Variants in LYPD4 observed in about 807,000 individuals in gnomAD.
LYPD4 encodes the protein LY6/PLAUR domain containing 4, also known as ly6/PLAUR domain-containing protein 4.
LYPD4 carries 20 observed loss-of-function variants against 18.2 expected under a neutral mutation model. The observed-to-expected ratio is 1.10, with a 90% confidence interval of 0.77 to 1.59. The LOEUF (loss-of-function observed/expected upper bound fraction) is 1.59. Among genes scored for constraint, LYPD4 ranks in the 40% most tolerant of loss-of-function variants. LYPD4 has a pLI of 0.00. For synonymous variants in LYPD4, 111 were observed against 118.3 expected (o/e 0.94, Z 0.40); for missense variants, 278 against 300.3 (o/e 0.93, Z 0.55).
At position 41,839,313 on chromosome 19, in the gene LYPD4, G is replaced by A; in HGVS notation, c.-28C>T. 6.2e-7 allele frequency: 1 copy of A among 1,607,090 alleles called. No individual in the cohort carries two copies. Among genetic ancestry groups the A allele is most frequent in the Non-Finnish European group, 8.5e-7 (1 of 1,173,544 alleles). ...CCCTGTGTCTGGGTCCTGGGTGCTA[G>A]AGGTCAGTCTGGAATCAGTTTCAGT... On this transcript the variant is annotated 5_prime_UTR_variant, in exon 2 of 5. Coordinates refer to ENST00000609812, the MANE Select transcript of LYPD4 (RefSeq NM_173506.7).
At chr19:41,840,952 A>AAT (rs1280444249) in intron 1 of LYPD4, among the ~76,000 whole-genome samples, 12 of 152,352 alleles carry the variant, frequency 7.9e-5, no homozygotes, top group Middle Eastern at 6.8e-3. Context: ...TTAAAAAATA[A>AAT]ATATATTCAT....
In LYPD4 at chr19:41,839,372, A is replaced by G; in HGVS notation, c.-87T>C. ...CAAGCTCAGTTCCCATCAGTCCCCG[A>G]ATTCTTTGTCCACCTGTCTCTGGGT... On this transcript the variant is annotated 5_prime_UTR_variant, in exon 2 of 5. Transcript: ENST00000609812. 1.6e-6 allele frequency: 2 copies of G among 1,282,490 alleles called. No homozygotes were observed. Among genetic ancestry groups the G allele is most frequent in the Non-Finnish European group, 2.3e-6 (2 of 882,596 alleles). The allele number at this position is 1,282,490 out of a possible 1,614,324, so 79.4% of individuals were successfully genotyped here. A position where few individuals can be genotyped will look rare whatever the true frequency, so the allele number is the denominator to read the frequency against.
chr19:41,837,389 A>T, intron 4 of LYPD4, 44 bp from the exon 5 acceptor site: 1 of 1,608,098 alleles, frequency 6.2e-7, no homozygotes, highest in Non-Finnish European at 8.5e-7. Flanking sequence ...TTCAAGACTC[A>T]AGAGCCCTGC....
chr19:41,844,269 G>C lies in LYPD4; in HGVS notation c.-812C>G, dbSNP rs924416476. 2 of 152,312 alleles carry C rather than the reference G, an allele frequency of 1.3e-5. No homozygotes were observed. The highest frequency in any genetic ancestry group is 2.9e-5 in the Non-Finnish European group (2 of 68,126). The allele number at this position is 152,312 out of a possible 1,614,324, so 9.4% of individuals were successfully genotyped here. ...ACTCTTGAGGAAGATGAACGCGGAG[G>C]GTGGAGCCAGCCAGAAATTCAGAAA... On this transcript the variant is annotated 5_prime_UTR_variant, in exon 1 of 5. Transcript: ENST00000609812.
Position 41,843,625 on chromosome 19 carries a change from G to A in LYPD4, c.-168C>T, listed in dbSNP as rs1444582620. Reference sequence around the variant, plus strand: ...GCTCCCCTGCCCAGCAGTCCAGCTAGAGGTCACGTCGGCCACCCTTTTCTG... The same window carrying A: ...GCTCCCCTGCCCAGCAGTCCAGCTAAAGGTCACGTCGGCCACCCTTTTCTG... On this transcript the variant is annotated 5_prime_UTR_variant, in exon 1 of 5. Transcript: ENST00000609812. 6.6e-6 allele frequency: 1 copy of A among 151,720 alleles called. No homozygotes were observed. The highest frequency in any genetic ancestry group is 1.5e-5 in the Non-Finnish European group (1 of 68,034). 9.4% of individuals were successfully genotyped at this position (151,720 alleles called of 1,614,324 possible). A position where few individuals can be genotyped will look rare whatever the true frequency, so the allele number is the denominator to read the frequency against.
Position 41,844,237 on chromosome 19 carries a change from G to A in LYPD4, c.-780C>T, listed in dbSNP as rs914488614. The A allele has an allele frequency of 6.6e-6, 1 of 152,268 alleles. No homozygotes were observed. Among genetic ancestry groups the A allele is most frequent in the Non-Finnish European group, 1.5e-5 (1 of 68,094 alleles). 9.4% of individuals were successfully genotyped at this position (152,268 alleles called of 1,614,324 possible). On this transcript the variant is annotated 5_prime_UTR_variant, in exon 1 of 5. Coordinates refer to ENST00000609812, the MANE Select transcript of LYPD4 (RefSeq NM_173506.7). ...ACGATTACACAGAGGAGCCCCCAGA[G>A]GGGCGAACTCTTGAGGAAGATGAAC...
At chr19:41,839,617 G>A in intron 1 of LYPD4, 1 of 346,570 alleles carries the variant, frequency 2.9e-6, no homozygotes, top group Non-Finnish European at 5.3e-6. Flanking sequence ...TGATATGCAG[G>A]CTGTTCTCCA....
intron 1 of LYPD4, among the ~76,000 whole-genome samples, chr19:41,841,262 C>T (rs782724590): frequency 7.3e-5 from 11 of 150,874 alleles, no homozygotes; most frequent in Admixed American, 1.3e-4. Flanking sequence ...TGGCTTATGC[C>T]GGTAATTCCA....
chr19:41,839,540 A>C, intron 1 of LYPD4, 135 bp from the exon 2 acceptor site: 1 of 520,162 alleles, frequency 1.9e-6, no homozygotes, highest in Admixed American at 3.5e-5. Flanking sequence ...TTCTCAAAGC[A>C]GGACTCTCAC....
Position 41,839,418 on chromosome 19 carries a change from G to T in LYPD4, c.-120-13C>A. ...TGGGTCACTGTTTCTGGAGCAGAAA[G>T]TTGATTGCATCAGCTTCTAGGACAT... On this transcript the variant is annotated splice_polypyrimidine_tract_variant and intron_variant, in intron 1 of 4. Transcript: ENST00000609812. The T allele has an allele frequency of 1.2e-6, 1 of 832,358 alleles. No homozygotes were observed. The highest frequency in any genetic ancestry group is 2.3e-4 in the Middle Eastern group (1 of 4,424). 51.6% of individuals were successfully genotyped at this position (832,358 alleles called of 1,614,324 possible).
chr19:41,836,122 C>T (rs1328816655), downstream of LYPD4, among the ~76,000 whole-genome samples: 1 of 150,584 alleles, frequency 6.6e-6, no homozygotes, highest in East Asian at 2.0e-4. Context: ...ATTCACTCAA[C>T]TTAAAAAGGC....
chr19:41,837,960 G>C lies in LYPD4; in HGVS notation c.513C>G (p.Tyr171Ter). The C allele has an allele frequency of 6.2e-7, 1 of 1,611,472 alleles. No homozygotes were observed. The highest frequency in any genetic ancestry group is 8.5e-7 in the Non-Finnish European group (1 of 1,178,192). Residue 171 changes from tyrosine to a stop codon, truncating the protein, a stop_gained, in exon 4 of 5, where the codon TAC (tyrosine) becomes TAG (stop). Transcript: ENST00000609812. LOFTEE classifies it low-confidence loss of function (END_TRUNC). ...CTGCCTGAAATTTTAAGGTGGAACT[G>C]TAACACGTAGAAGCAGCCAAGGGGC... Reference protein sequence around the residue: ...NSCPLAASTCYSSTLKFQAGF... With the variant: ...NSCPLAASTC
intron 1 of LYPD4, among the ~76,000 whole-genome samples, chr19:41,840,759 G>A (rs556878977): frequency 2.2e-4 from 33 of 152,090 alleles, no homozygotes; most frequent in Non-Finnish European, 4.0e-4. Context: ...GAACCCGGGA[G>A]GCGGAGCTTG....
chr19:41,836,090 T>TCTCA (rs1275071740), downstream of LYPD4: 2 of 147,238 alleles, frequency 1.4e-5, no homozygotes, highest in Admixed American at 6.8e-5. Flanking sequence ...AAACTCTGTC[T>TCTCA]CACACACACA....
chr19:41,836,150 GTGTATCTGCTGCCCCC>G (rs1333869742), downstream of LYPD4, among the ~76,000 whole-genome samples: 1 of 151,334 alleles, frequency 6.6e-6, no homozygotes, highest in Non-Finnish European at 1.5e-5. Flanking sequence ...TGCAGGGTGA[GTGTATCTGCTGCCCCC>G]TTATGGCCAG....
rs573085653 is a variant in LYPD4, at chr19:41,838,244, C to G, written c.229G>C (p.Val77Leu). ...GACGAGCTGCAGCCTTTAAAGCCCA[C>G]GACTCCCCTTGCAGTCCCTGAGGAG... ...FIETGTARGV[V>L]GFKGCSSSSS... Residue 77 changes from valine (V) to leucine (L), a missense_variant, in exon 4 of 5, where the codon GTG becomes CTG. By Grantham distance (32) the Val-to-Leu change is conservative. Transcript: ENST00000609812. 2 of 1,533,754 alleles carry G rather than the reference C, an allele frequency of 1.3e-6. No individual in the cohort carries two copies. The highest frequency in any genetic ancestry group is 2.8e-5 in the African/African-American group (2 of 72,290).
rs782428757 is a variant in LYPD4 at position 41,838,104 on chromosome 19, A to G, written c.369T>C (p.Pro123=). ...YLCNNLTNLE[P]FVKLKASTPK... ...GAGTGCTGGCCTTGAGTTTCACAAA[A>G]GGCTCCAAATTGGTGAGGTTGTTGC... Residue 123 remains proline (P), a synonymous_variant, in exon 4 of 5, where the codon CCT becomes CCC. Coordinates refer to ENST00000609812, the MANE Select transcript of LYPD4 (RefSeq NM_173506.7). 1.2e-6 allele frequency: 2 copies of G among 1,614,078 alleles called. No homozygotes were observed. The highest frequency in any genetic ancestry group is 1.7e-6 in the Non-Finnish European group (2 of 1,179,964).
At chr19:41,838,669 CA>C (rs797035191) in intron 3 of LYPD4, among the ~76,000 whole-genome samples, 259 of 151,892 alleles carry the variant, frequency 1.7e-3, no homozygotes, top group African/African-American at 6.0e-3. Flanking sequence ...CCAAGGTGGG[CA>C]GATCGCTTGA....
rs2073544744 is a variant in LYPD4 at position 41,840,419 on chromosome 19, A to G, written c.-120-1014T>C. Among the ~76,000 whole-genome samples the G allele has an allele frequency of 2.0e-5, 3 of 152,316 alleles. No individual in the cohort carries two copies. The South Asian group carries it at 6.2e-4, about 32-fold the overall frequency. On this transcript the variant is annotated intron_variant, in intron 1 of 4. Transcript: ENST00000609812. ...TTGTACAAATGTCAATTTCCTGCTC[A>G]TATACTATGGTTATATAAGATGCCC...
Sources: gnomAD v4.1 joint callset for allele counts (sites outside exome capture counted in the v4.1 genomes callset) on GRCh38, gnomAD v4.1.1 for gene constraint, MANE v1.5 for transcripts, NCBI Gene and HGNC (gene_info 2026-07-23, HGNC 2026-07-21) for gene names.